The following STX18 variants were observed in gnomAD, a reference collection of about 807,000 sequenced individuals.
The protein encoded by STX18 is syntaxin 18.
In STX18, 40 loss-of-function variants were observed where a neutral mutation model predicts 50.1. The observed-to-expected ratio is 0.80, with a 90% CI of 0.62 to 1.04. The LOEUF is 1.04. STX18 is among the 50% of genes least tolerant of loss of function. The probability of loss-of-function intolerance (pLI) is 0.00; values close to 1 mark genes in which losing one functional copy is unlikely to be tolerated. For missense variants in STX18, 410 were observed against 415.8 expected, an observed-to-expected ratio of 0.99 and a Z score of 0.12; for synonymous variants, 158 against 151.8, an observed-to-expected ratio of 1.04 and a Z score of -0.30.
intron 1 of STX18, among the ~76,000 whole-genome samples, chr4:4,534,237 C>T (rs1259560742): frequency 6.6e-6 from 1 of 152,186 alleles, no homozygotes; most frequent in Non-Finnish European, 1.5e-5. Flanking sequence ...GGGAGTTATC[C>T]ACCACATGCT....
chr4:4,437,160 T>A (rs771890129), intron 6 of STX18, among the ~76,000 whole-genome samples: 4 of 152,106 alleles, frequency 2.6e-5, no homozygotes, highest in Non-Finnish European at 5.9e-5. Context: ...GGTTTTTCCA[T>A]GTTAGGCTGG....
At chr4:4,428,223 G>C (rs1452435684) in intron 7 of STX18, among the ~76,000 whole-genome samples, 1 of 152,244 alleles carries the variant, frequency 6.6e-6, no homozygotes, top group Non-Finnish European at 1.5e-5. Flanking sequence ...GGGCCTTATA[G>C]GAACCCTGGG....
intron 5 of STX18, among the ~76,000 whole-genome samples, chr4:4,447,050 G>C (rs1169491910): frequency 1.3e-5 from 2 of 152,162 alleles, no homozygotes; most frequent in Non-Finnish European, 2.9e-5. Context: ...CCTATTTAAA[G>C]ATAAACTGAG....
At chr4:4,483,796 A>G (rs754560691) in intron 1 of STX18, among the ~76,000 whole-genome samples, 13 of 152,190 alleles carry the variant, frequency 8.5e-5, no homozygotes, top group Non-Finnish European at 1.3e-4. Context: ...GAGGTCAGCT[A>G]CTGTGATCTA....
intron 1 of STX18, among the ~76,000 whole-genome samples, chr4:4,476,583 A>G (rs1577356970): frequency 1.3e-5 from 2 of 152,350 alleles, no homozygotes; most frequent in East Asian, 1.9e-4. Context: ...TTATTTCACT[A>G]AAGAATCTCC....
chr4:4,518,925 T>C (rs1429436911), intron 1 of STX18, among the ~76,000 whole-genome samples: 7 of 152,184 alleles, frequency 4.6e-5, no homozygotes, highest in Admixed American at 4.6e-4. Flanking sequence ...TTAGCCTTTC[T>C]CGAAAAAGGT....
intron 8 of STX18, chr4:4,423,795 A>T: frequency 1.7e-6 from 1 of 586,280 alleles, no homozygotes; most frequent in Non-Finnish European, 3.0e-6. Flanking sequence ...AGCCTAGCAC[A>T]CTGGTCTTTT....
intron 2 of STX18, among the ~76,000 whole-genome samples, chr4:4,468,987 C>T (rs1410241424): frequency 1.3e-5 from 2 of 152,156 alleles, no homozygotes; most frequent in Non-Finnish European, 2.9e-5. Context: ...ACACAACATG[C>T]AAGAACCTCA....
intron 1 of STX18, among the ~76,000 whole-genome samples, chr4:4,529,024 C>T (rs1444177414): frequency 6.6e-6 from 1 of 152,178 alleles, no homozygotes. Flanking sequence ...AACCACAAAT[C>T]CTTTTCTCTT....
At chr4:4,522,059 T>C (rs116069985) in intron 1 of STX18, among the ~76,000 whole-genome samples, 4,796 of 152,278 alleles carry the variant, frequency 0.031, 103 homozygotes, top group Middle Eastern at 0.061. Context: ...TGGTTATATT[T>C]CCAAAAGTCA....
At chr4:4,511,739 TGTGTGTGTG>T (rs1730016045) in intron 1 of STX18, among the ~76,000 whole-genome samples, 3 of 150,712 alleles carry the variant, frequency 2.0e-5, no homozygotes, top group Non-Finnish European at 4.4e-5. Context: ...TGTGTGTGTG[TGTGTGTGTG>T]TGTGTGTGTG....
chr4:4,436,950 C>CTT lies in STX18; in HGVS notation c.613+1442_613+1443dup, dbSNP rs34174730. ...TTTTATTTTTTCAGGTCCAGACTCA[C>CTT]TTTTTTTTTTTTTTTTTTTTTTTTT... On this transcript the variant is annotated intron_variant, in intron 6 of 10. Transcript: ENST00000306200. Among the ~76,000 whole-genome samples the CTT allele has an allele frequency of 4.6e-3, 539 of 116,704 alleles. 35 individuals carry two copies. Among genetic ancestry groups the CTT allele is most frequent in the African/African-American group, 5.3e-3 (156 of 29,192 alleles). The allele number at this position is 116,704 out of a possible 152,430, so 76.6% of individuals were successfully genotyped here. A position where few individuals can be genotyped will look rare whatever the true frequency, so the allele number is the denominator to read the frequency against.
intron 1 of STX18, among the ~76,000 whole-genome samples, chr4:4,523,762 C>T (rs1730626417): frequency 6.6e-6 from 1 of 152,336 alleles, no homozygotes; most frequent in South Asian, 2.1e-4. Flanking sequence ...AATCCACCAA[C>T]TGCCAGCAGA....
Position 4,526,309 on chromosome 4 carries a change from T to C in STX18, c.168+15488A>G, listed in dbSNP as rs907901690. ...AAAGTGCAGGTGCTTATTCACTTAATTGATTTCCAAATACTATGTACTGAA... is the reference window on the plus strand; with the variant it reads ...AAAGTGCAGGTGCTTATTCACTTAACTGATTTCCAAATACTATGTACTGAA... On this transcript the variant is annotated intron_variant, in intron 1 of 10. Coordinates refer to ENST00000306200, the MANE Select transcript of STX18 (RefSeq NM_016930.4). Among the ~76,000 whole-genome samples the C allele has an allele frequency of 5.9e-5, 9 of 152,174 alleles. No homozygotes were observed. In the East Asian group the frequency reaches 1.5e-3, roughly 26 times the overall value.
intron 7 of STX18, among the ~76,000 whole-genome samples, chr4:4,429,693 T>G (rs1725428412): frequency 6.6e-6 from 1 of 152,198 alleles, no homozygotes. Flanking sequence ...GCCGTATCCT[T>G]CTGGTGGAAG....
chr4:4,487,638 G>A (rs953813644), intron 1 of STX18, among the ~76,000 whole-genome samples: 1 of 152,268 alleles, frequency 6.6e-6, no homozygotes, highest in African/African-American at 2.4e-5. Context: ...GTTACCTGCA[G>A]CCTTCTGTCG....
Position 4,459,507 on chromosome 4 carries a change from G to T in STX18, c.237-20C>A. 1.3e-6 allele frequency: 2 copies of T among 1,559,384 alleles called. No homozygotes were observed. Among genetic ancestry groups the T allele is most frequent in the Non-Finnish European group, 1.8e-6 (2 of 1,130,142 alleles). The stretch of plus-strand genomic sequence containing the variant: ...GTATGGCTAAAAAAAGACAGCAAAG[G>T]AAAGGGCAGCAGCAAATGAGAACAT... On this transcript the variant is annotated intron_variant, in intron 2 of 10. Coordinates refer to ENST00000306200, the MANE Select transcript of STX18 (RefSeq NM_016930.4).
At chr4:4,449,696 A>G (rs1726645235) in intron 5 of STX18, among the ~76,000 whole-genome samples, 1 of 152,156 alleles carries the variant, frequency 6.6e-6, no homozygotes. Context: ...CCCACTGTCA[A>G]GTTATTCTCT....
At chr4:4,534,297 T>C (rs536813871) in intron 1 of STX18, among the ~76,000 whole-genome samples, 140 of 152,340 alleles carry the variant, frequency 9.2e-4, no homozygotes, top group African/African-American at 3.1e-3. Flanking sequence ...TATTCTCTAC[T>C]ATTTAGAATT....
Sources: allele counts gnomAD v4.1 joint callset (sites outside exome capture counted in the v4.1 genomes callset), GRCh38; gene constraint gnomAD v4.1.1; transcripts MANE v1.5; gene names NCBI Gene and HGNC (gene_info 2026-07-23, HGNC 2026-07-21).